ZNF608: variants seen among roughly 807,000 people sequenced by gnomAD.
ZNF608 encodes the protein renal carcinoma antigen NY-REN-36.
In ZNF608, 12 loss-of-function variants were observed where a neutral mutation model predicts 109.0. The observed-to-expected ratio is 0.11, with a 90% CI of 0.07 to 0.18. The LOEUF is 0.18. ZNF608 is among the 10% of genes least tolerant of loss of function. The pLI is 1.00. For synonymous variants in ZNF608, 732 were observed against 717.4 expected, an observed-to-expected ratio of 1.02 and a Z score of -0.33; for missense variants, 1,707 against 1,879.3, an observed-to-expected ratio of 0.91 and a Z score of 1.70.
chr5:124,711,136 G>T (rs976996751), intron 2 of ZNF608, among the ~76,000 whole-genome samples: 4 of 152,060 alleles, frequency 2.6e-5, no homozygotes, highest in Admixed American at 2.6e-4. Context: ...TCTCACAGAG[G>T]CCTACACAAA....
chr5:124,728,974 A>C (rs1748755324), intron 2 of ZNF608, among the ~76,000 whole-genome samples: 1 of 152,154 alleles, frequency 6.6e-6, no homozygotes, highest in Non-Finnish European at 1.5e-5. Context: ...CCAACTTCAA[A>C]AGCTAATTTA....
chr5:124,694,294 T>C (rs1226513963), intron 3 of ZNF608, among the ~76,000 whole-genome samples: 1 of 151,334 alleles, frequency 6.6e-6, no homozygotes, highest in Non-Finnish European at 1.5e-5. Context: ...CGCCCGGCCC[T>C]CATTAATCTT....
chr5:124,647,164 G>A lies in ZNF608; in HGVS notation c.3220C>T (p.Leu1074=). ...QSVITQRHPA[L]AQSLYYGQYA... ...TGGCCATAATAAAGTGACTGAGCCA[G>A]GGCAGGATGTCTTTGTGTGATCACC... The change falls in exon 5 of 10, where the codon CTG becomes TTG. Residue 1074 remains leucine (L), a synonymous_variant. Coordinates refer to ENST00000513986, the MANE Select transcript of ZNF608 (RefSeq NM_020747.3). 1 of 1,614,188 alleles carries A rather than the reference G, an allele frequency of 6.2e-7. No homozygotes were observed. The highest frequency in any genetic ancestry group is 8.5e-7 in the Non-Finnish European group (1 of 1,180,038).
intron 3 of ZNF608, among the ~76,000 whole-genome samples, chr5:124,690,517 T>C (rs780794603): frequency 2.6e-5 from 4 of 152,166 alleles, no homozygotes; most frequent in Non-Finnish European, 5.9e-5. Flanking sequence ...GATTTTTCTG[T>C]GAACCTAAAA....
At chr5:124,740,915 C>G (rs1312825059) in intron 2 of ZNF608, among the ~76,000 whole-genome samples, 2 of 152,284 alleles carry the variant, frequency 1.3e-5, no homozygotes, top group African/African-American at 2.4e-5. Context: ...TAAAGCCCAG[C>G]TGAATGCCTC....
chr5:124,695,901 C>T (rs1386048327), intron 3 of ZNF608, among the ~76,000 whole-genome samples: 1 of 151,760 alleles, frequency 6.6e-6, no homozygotes, highest in African/African-American at 2.4e-5. Flanking sequence ...AGAATCATTT[C>T]GGCCGGGCGG....
intron 2 of ZNF608, among the ~76,000 whole-genome samples, chr5:124,717,950 T>C (rs1753768493): frequency 6.6e-6 from 1 of 152,180 alleles, no homozygotes; most frequent in South Asian, 2.1e-4. Flanking sequence ...TCCTTTTTGC[T>C]TTCTCTTGCC....
chr5:124,689,782 C>T (rs1453020728), intron 3 of ZNF608, among the ~76,000 whole-genome samples: 1 of 152,216 alleles, frequency 6.6e-6, no homozygotes, highest in Non-Finnish European at 1.5e-5. Flanking sequence ...GAATGCCAAA[C>T]AGTATTGCCA....
At chr5:124,658,998 T>C (rs750475180) in intron 3 of ZNF608, among the ~76,000 whole-genome samples, 4 of 152,064 alleles carry the variant, frequency 2.6e-5, no homozygotes, top group Non-Finnish European at 5.9e-5. Flanking sequence ...CCTGGGCACA[T>C]AGCACAGGGC....
At chr5:124,641,542 T>C in intron 7 of ZNF608, 137 bp from the exon 8 acceptor site, 1 of 1,009,372 alleles carries the variant, frequency 9.9e-7, no homozygotes, top group Non-Finnish European at 1.4e-6. Context: ...CTTTAGTAAC[T>C]AAAGAGAATT....
intron 2 of ZNF608, among the ~76,000 whole-genome samples, chr5:124,721,956 A>AAAAAAAAAAAAAAAAAAAAAC (rs1413567760): frequency 7.0e-6 from 1 of 142,548 alleles, no homozygotes; most frequent in Non-Finnish European, 1.5e-5. Context: ...AAAAAAAAAA[A>AAAAAAAAAAAAAAAAAAAAAC]AAAAAAAAAA....
At chr5:124,725,588 G>T (rs1299161055) in intron 2 of ZNF608, among the ~76,000 whole-genome samples, 1 of 152,062 alleles carries the variant, frequency 6.6e-6, no homozygotes, top group Non-Finnish European at 1.5e-5. Context: ...GCAAGGAAAT[G>T]AATATTTAAC....
At chr5:124,679,591 C>T (rs1010135727) in intron 3 of ZNF608, among the ~76,000 whole-genome samples, 5 of 152,170 alleles carry the variant, frequency 3.3e-5, no homozygotes, top group African/African-American at 1.2e-4. Context: ...TATTTAAAAT[C>T]ACCTTTTACA....
rs1210649402 is a variant in ZNF608, at chr5:124,736,334, C to T, written c.906+7750G>A. Among the ~76,000 whole-genome samples, 4 of 152,282 alleles carry T rather than the reference C, an allele frequency of 2.6e-5. No individual in the cohort carries two copies. In the East Asian group the frequency reaches 7.7e-4, roughly 29 times the overall value. On this transcript the variant is annotated intron_variant, in intron 2 of 9. Coordinates refer to ENST00000513986, the MANE Select transcript of ZNF608 (RefSeq NM_020747.3). ...AGAATGAAAACCCAAGGCTTCAACC[C>T]TTCCAGTTCAAACATTTTTGTTGTT...
intron 3 of ZNF608, among the ~76,000 whole-genome samples, chr5:124,662,227 AG>A (rs1751293432): frequency 1.3e-5 from 2 of 152,368 alleles, no homozygotes; most frequent in South Asian, 4.1e-4. Flanking sequence ...CGATGTTAGC[AG>A]GAAGATCTGA....
chr5:124,653,675 G>A (rs551210855), intron 3 of ZNF608, among the ~76,000 whole-genome samples: 1 of 152,200 alleles, frequency 6.6e-6, no homozygotes, highest in African/African-American at 2.4e-5. Flanking sequence ...TCCTAACCCT[G>A]CCCCCATCTG....
At position 124,647,494 on chromosome 5, in the gene ZNF608, A is replaced by C. The variant is rs541505448; in HGVS notation, c.2890T>G (p.Ser964Ala). Reference sequence around the variant, plus strand: ...TTACTAGAAATAATATCTGATGGGGAACTGGCCTTTGATCTCATACCCTCC... The same window carrying C: ...TTACTAGAAATAATATCTGATGGGGCACTGGCCTTTGATCTCATACCCTCC... Reference protein sequence around the residue: ...RSEGMRSKASSPSDIISSKDS... With the variant: ...RSEGMRSKASAPSDIISSKDS... The change falls in exon 5 of 10, where the codon TCC (serine) becomes GCC (alanine). Residue 964 changes from serine to alanine, a missense_variant. Ser to Ala is a moderately conservative substitution (Grantham distance 99, BLOSUM62 1). Transcript: ENST00000513986. 1 of 1,614,194 alleles carries C rather than the reference A, an allele frequency of 6.2e-7. No individual in the cohort carries two copies. Among genetic ancestry groups the C allele is most frequent in the East Asian group, 2.2e-5 (1 of 44,878 alleles).
chr5:124,725,102 G>A (rs1230862589), intron 2 of ZNF608, among the ~76,000 whole-genome samples: 1 of 151,930 alleles, frequency 6.6e-6, no homozygotes, highest in East Asian at 1.9e-4. Flanking sequence ...TCGACCCCCG[G>A]GGGGATTGTA....
chr5:124,658,042 C>A (rs1023042207), intron 3 of ZNF608, among the ~76,000 whole-genome samples: 1 of 152,168 alleles, frequency 6.6e-6, no homozygotes, highest in African/African-American at 2.4e-5. Flanking sequence ...ATATGTACCC[C>A]TTATTGTGTA....
Sources: gnomAD v4.1 joint callset for allele counts (sites outside exome capture counted in the v4.1 genomes callset) on GRCh38, gnomAD v4.1.1 for gene constraint, MANE v1.5 for transcripts, NCBI Gene and HGNC (gene_info 2026-07-23, HGNC 2026-07-21) for gene names.